Variants in NEDD4L observed in about 807,000 individuals in gnomAD.
NEDD4L encodes NEDD4 like E3 ubiquitin protein ligase.
NEDD4L carries 54 observed loss-of-function variants against 148.9 expected under a neutral mutation model. That is an observed-to-expected ratio of 0.36 (90% CI 0.29 to 0.45). The LOEUF (loss-of-function observed/expected upper bound fraction) is 0.45, where lower values mean the gene tolerates loss of function less well. NEDD4L is among the 20% of genes least tolerant of loss of function. The pLI is 1.00. For synonymous variants in NEDD4L, 433 were observed against 440.7 expected (o/e 0.98, Z 0.22); for missense variants, 856 against 1,233.8 (o/e 0.69, Z 4.59).
chr18:58,248,580 T>A (rs773845392), intron 3 of NEDD4L, among the ~76,000 whole-genome samples: 5 of 152,234 alleles, frequency 3.3e-5, no homozygotes, highest in Admixed American at 2.0e-4. Context: ...CATTTCCTTC[T>A]TGGTAGAATA....
intron 30 of NEDD4L, among the ~76,000 whole-genome samples, chr18:58,393,351 G>A (rs1451781889): frequency 6.6e-6 from 1 of 152,144 alleles, no homozygotes; most frequent in East Asian, 1.9e-4. Flanking sequence ...CATTGGTCTG[G>A]TGTGTGACCC....
intron 24 of NEDD4L, among the ~76,000 whole-genome samples, chr18:58,374,915 T>G (rs2047361889): frequency 6.6e-6 from 1 of 152,126 alleles, no homozygotes; most frequent in Non-Finnish European, 1.5e-5. Flanking sequence ...ACCACCAGCC[T>G]CTTATCTCAG....
intron 2 of NEDD4L, among the ~76,000 whole-genome samples, chr18:58,206,244 C>A (rs1044411365): frequency 2.0e-5 from 3 of 152,194 alleles, no homozygotes; most frequent in South Asian, 2.1e-4. Flanking sequence ...CAAAAATTAG[C>A]CAGGCATGGT....
chr18:58,322,238 G>C (rs1324453726), intron 6 of NEDD4L, among the ~76,000 whole-genome samples, 187 bp from the exon 7 acceptor site: 1 of 152,134 alleles, frequency 6.6e-6, no homozygotes, highest in Non-Finnish European at 1.5e-5. Context: ...AACCCGGTGT[G>C]GATAGTGACA....
intron 2 of NEDD4L, among the ~76,000 whole-genome samples, chr18:58,213,663 A>G (rs2042834973): frequency 1.3e-5 from 2 of 151,816 alleles, no homozygotes; most frequent in South Asian, 2.1e-4. Flanking sequence ...CCACATCCCC[A>G]TTTTTTTCCT....
chr18:58,378,263 G>A (rs2047836676), intron 24 of NEDD4L, among the ~76,000 whole-genome samples: 1 of 152,228 alleles, frequency 6.6e-6, no homozygotes, highest in African/African-American at 2.4e-5. Context: ...CAGGTGTACT[G>A]TGGATCTCTC....
chr18:58,353,561 G>A (rs17064859), intron 18 of NEDD4L, among the ~76,000 whole-genome samples: 7,250 of 152,338 alleles, frequency 0.048, 248 homozygotes, highest in East Asian at 0.12. Context: ...ATGGAAAGCT[G>A]TAGAGCAGTA....
intron 1 of NEDD4L, among the ~76,000 whole-genome samples, chr18:58,117,346 G>C (rs559840): frequency 6.6e-6 from 1 of 151,954 alleles, no homozygotes; most frequent in Non-Finnish European, 1.5e-5. Context: ...TATCATATTC[G>C]AATTTGATTT....
rs1215580719 is a variant in NEDD4L at position 58,044,420 on chromosome 18, G to A, written c.-241G>A. 3 of 314,870 alleles carry A rather than the reference G, an allele frequency of 9.5e-6. No individual in the cohort carries two copies. Among genetic ancestry groups the A allele is most frequent in the Admixed American group, 1.1e-4 (2 of 18,818 alleles). The allele number at this position is 314,870 out of a possible 1,614,324, so 19.5% of individuals were successfully genotyped here. ...CCGGGGCTGCCGCCCGGTGCTCGGCGCGCTCTCGGGAGCCGCCCGCCCGCT... is the reference window on the plus strand; with the variant it reads ...CCGGGGCTGCCGCCCGGTGCTCGGCACGCTCTCGGGAGCCGCCCGCCCGCT... On this transcript the variant is annotated 5_prime_UTR_variant, in exon 1 of 31. Transcript: ENST00000400345.
chr18:58,252,353 G>C (rs945291569), intron 5 of NEDD4L, among the ~76,000 whole-genome samples: 1 of 152,202 alleles, frequency 6.6e-6, no homozygotes, highest in Non-Finnish European at 1.5e-5. Context: ...ATACAGAACG[G>C]TAGGCAGATC....
At chr18:58,307,342 TTCCTTTTTG>T (rs1314900083) in intron 5 of NEDD4L, among the ~76,000 whole-genome samples, 6 of 152,220 alleles carry the variant, frequency 3.9e-5, no homozygotes, top group African/African-American at 1.4e-4. Flanking sequence ...TTTCCTTTTT[TTCCTTTTTG>T]TCCAATAAAT....
chr18:58,079,479 T>G (rs1051381203), intron 1 of NEDD4L, among the ~76,000 whole-genome samples: 5 of 152,178 alleles, frequency 3.3e-5, no homozygotes, highest in African/African-American at 1.2e-4. Flanking sequence ...ACCCTATAAC[T>G]TAGGTAACTG....
In NEDD4L at chr18:58,186,022, C is replaced by T. The variant is rs562656053; in HGVS notation, c.122+20161C>T. ...AGGATGCAACAGATACATATGCACACGCATACAGAGAAGGATACGTATGCA... is the reference window on the plus strand; with the variant it reads ...AGGATGCAACAGATACATATGCACATGCATACAGAGAAGGATACGTATGCA... On this transcript the variant is annotated intron_variant, in intron 2 of 30. Transcript: ENST00000400345. Among the ~76,000 whole-genome samples, 14 of 152,152 alleles carry T rather than the reference C, an allele frequency of 9.2e-5. 1 individual carries two copies. The highest frequency in any genetic ancestry group is 8.3e-4 in the South Asian group (4 of 4,814).
intron 1 of NEDD4L, among the ~76,000 whole-genome samples, chr18:58,137,947 C>T (rs1006822149): frequency 3.9e-5 from 6 of 152,148 alleles, no homozygotes; most frequent in African/African-American, 7.2e-5. Flanking sequence ...TCAGTGTGCT[C>T]AGACCCATTA....
At chr18:58,293,414 CT>C (rs1224788520) in intron 5 of NEDD4L, among the ~76,000 whole-genome samples, 4 of 152,170 alleles carry the variant, frequency 2.6e-5, no homozygotes, top group African/African-American at 9.7e-5. Flanking sequence ...ATAAATCCCC[CT>C]TTGGAACAGC....
At chr18:58,250,905 GA>G (rs2047845515) in intron 4 of NEDD4L, among the ~76,000 whole-genome samples, 1 of 152,192 alleles carries the variant, frequency 6.6e-6, no homozygotes, top group African/African-American at 2.4e-5. Context: ...GAGTTTGGAA[GA>G]TGATATGGGC....
intron 4 of NEDD4L, among the ~76,000 whole-genome samples, chr18:58,249,274 TAGAG>T (rs746767709): frequency 1.3e-5 from 2 of 152,208 alleles, no homozygotes; most frequent in African/African-American, 4.8e-5. Flanking sequence ...TGAAATATTT[TAGAG>T]AGAGTAAAAC....
At chr18:58,213,587 A>C (rs1257227557) in intron 2 of NEDD4L, among the ~76,000 whole-genome samples, 2 of 152,176 alleles carry the variant, frequency 1.3e-5, no homozygotes, top group East Asian at 3.8e-4. Flanking sequence ...GGTGGAGGTT[A>C]ATGTGGAATG....
intron 24 of NEDD4L, among the ~76,000 whole-genome samples, chr18:58,374,644 T>C (rs2047317546): frequency 6.6e-6 from 1 of 151,886 alleles, no homozygotes; most frequent in South Asian, 2.1e-4. Flanking sequence ...TCTCCAGCCC[T>C]GTCTACCTCC....
Sources: gnomAD v4.1 joint callset for allele counts (sites outside exome capture counted in the v4.1 genomes callset) on GRCh38, gnomAD v4.1.1 for gene constraint, MANE v1.5 for transcripts, NCBI Gene and HGNC (gene_info 2026-07-23, HGNC 2026-07-21) for gene names.